Variants in NAV3 observed in about 807,000 individuals in gnomAD.
NAV3 encodes the protein pore membrane and/or filament interacting like protein 1.
A neutral mutation model predicts 244.7 loss-of-function variants in NAV3; 87 were observed. The ratio of observed to expected loss-of-function variants is 0.36; its 90% CI spans 0.30 to 0.42. NAV3 has a LOEUF of 0.42. NAV3 is among the 20% of genes least tolerant of loss of function. NAV3 has a pLI of 1.00. For synonymous variants in NAV3, 1,126 were observed against 1,042.2 expected (o/e 1.08, Z -1.55); for missense variants, 2,663 against 2,893.3 (o/e 0.92, Z 1.83).
intron 2 of NAV3, among the ~76,000 whole-genome samples, chr12:77,808,463 G>A (rs1371900503): frequency 6.6e-6 from 1 of 152,086 alleles, no homozygotes; most frequent in Non-Finnish European, 1.5e-5. Context: ...TTTGCTGGAG[G>A]TCCACTGCAG....
intron 2 of NAV3, among the ~76,000 whole-genome samples, chr12:77,689,491 G>A (rs1222546723): frequency 6.6e-6 from 1 of 151,924 alleles, no homozygotes; most frequent in African/African-American, 2.4e-5. Flanking sequence ...TGGCTTTTAT[G>A]TTGGATGTTT....
chr12:77,766,637 A>T (rs769120824), intron 2 of NAV3, among the ~76,000 whole-genome samples: 1 of 150,766 alleles, frequency 6.6e-6, no homozygotes, highest in Non-Finnish European at 1.5e-5. Flanking sequence ...TCTCAACTTC[A>T]GTCTCTTTCT....
intron 1 of NAV3, among the ~76,000 whole-genome samples, chr12:77,926,521 G>A (rs1289625858): frequency 6.6e-6 from 1 of 152,082 alleles, no homozygotes; most frequent in Non-Finnish European, 1.5e-5. Context: ...GATATGCCAT[G>A]GCTGTTTTAT....
intron 30 of NAV3, among the ~76,000 whole-genome samples, chr12:78,184,652 G>T (rs1958637631): frequency 6.6e-6 from 1 of 151,550 alleles, no homozygotes; most frequent in East Asian, 1.9e-4. Context: ...ATTTTTGGAG[G>T]CCATCTTATT....
At position 78,176,435 on chromosome 12, in the gene NAV3, C is replaced by T. The variant is rs1410453386; in HGVS notation, c.5104-4C>T. The T allele has an allele frequency of 4.3e-6, 7 of 1,612,246 alleles. No homozygotes were observed. The highest frequency in any genetic ancestry group is 1.3e-5 in the African/African-American group (1 of 74,772). The stretch of plus-strand genomic sequence containing the variant: ...AATTCCACACTCTTTCATGTTTCTG[C>T]AAGGTGAACTCTAGAGGAAGTGAGG... On this transcript the variant is annotated splice_polypyrimidine_tract_variant and splice_region_variant and intron_variant, in intron 25 of 39. Transcript: ENST00000397909.
At chr12:77,659,205 A>C (rs914138577) in intron 2 of NAV3, among the ~76,000 whole-genome samples, 5 of 151,548 alleles carry the variant, frequency 3.3e-5, no homozygotes, top group Non-Finnish European at 5.9e-5. Flanking sequence ...TTCGCAACCT[A>C]CTCGTCTGAC....
chr12:78,140,411 A>G (rs2139069381), intron 20 of NAV3, 77 bp downstream of exon 20: 1 of 1,222,644 alleles, frequency 8.2e-7, no homozygotes, highest in Non-Finnish European at 1.2e-6. Context: ...TTTACTGTGA[A>G]CAGATCACAT....
chr12:77,770,045 A>G (rs1412074714), intron 2 of NAV3, among the ~76,000 whole-genome samples: 4 of 152,134 alleles, frequency 2.6e-5, no homozygotes, highest in Non-Finnish European at 5.9e-5. Flanking sequence ...TTTAGAAAAA[A>G]TGGTGGCTTT....
chr12:77,656,462 T>C (rs1454491753), intron 2 of NAV3, among the ~76,000 whole-genome samples: 1 of 119,670 alleles, frequency 8.4e-6, no homozygotes, highest in Non-Finnish European at 1.7e-5. Context: ...ATAAAGCAAG[T>C]CCTGAGTGAC....
chr12:77,670,717 G>A (rs10161231), intron 2 of NAV3, among the ~76,000 whole-genome samples: 8,063 of 152,130 alleles, frequency 0.053, 507 homozygotes, highest in African/African-American at 0.15. Flanking sequence ...TGCAGAAAAA[G>A]CATTTGACAA....
intron 2 of NAV3, among the ~76,000 whole-genome samples, chr12:77,807,671 T>A (rs1336508525): frequency 1.3e-5 from 2 of 152,212 alleles, no homozygotes; most frequent in Admixed American, 1.3e-4. Context: ...TTGCTCTTCT[T>A]CAGGAGTATC....
At chr12:77,669,344 C>T (rs959738146) in intron 2 of NAV3, among the ~76,000 whole-genome samples, 1 of 152,120 alleles carries the variant, frequency 6.6e-6, no homozygotes, top group African/African-American at 2.4e-5. Context: ...AATAGTACCT[C>T]ACATCTCCAT....
At chr12:77,896,735 C>T (rs764785852) in intron 1 of NAV3, among the ~76,000 whole-genome samples, 5 of 152,134 alleles carry the variant, frequency 3.3e-5, no homozygotes, top group Non-Finnish European at 7.4e-5. Context: ...AACTCTCACT[C>T]AGCTCCAGTT....
At chr12:78,204,592 C>A (rs908731149) in intron 38 of NAV3, among the ~76,000 whole-genome samples, 1 of 152,006 alleles carries the variant, frequency 6.6e-6, no homozygotes, top group African/African-American at 2.4e-5. Context: ...ATAATTGAAG[C>A]TTTTATTTTT....
At chr12:77,678,207 T>C (rs1874290848) in intron 2 of NAV3, among the ~76,000 whole-genome samples, 1 of 152,138 alleles carries the variant, frequency 6.6e-6, no homozygotes, top group African/African-American at 2.4e-5. Context: ...GAGGAAGCAA[T>C]ATATATAATA....
chr12:77,781,836 A>C (rs929574319), intron 2 of NAV3, among the ~76,000 whole-genome samples: 4 of 152,176 alleles, frequency 2.6e-5, no homozygotes, highest in African/African-American at 9.6e-5. Context: ...CAAAGAGAGA[A>C]AGAGAAGAGA....
At chr12:77,636,691 G>A (rs910398729) in intron 2 of NAV3, among the ~76,000 whole-genome samples, 2 of 152,026 alleles carry the variant, frequency 1.3e-5, no homozygotes, top group African/African-American at 4.8e-5. Flanking sequence ...AAAGACACAT[G>A]GACACATATG....
intron 2 of NAV3, among the ~76,000 whole-genome samples, chr12:77,640,083 A>C (rs1872339763): frequency 6.6e-6 from 1 of 152,294 alleles, no homozygotes; most frequent in African/African-American, 2.4e-5. Context: ...GATGATTCTT[A>C]TATCAGACAT....
intron 2 of NAV3, among the ~76,000 whole-genome samples, chr12:77,775,012 T>TTTGGATTAAGGATAAAATAA (rs914613610): frequency 1.1e-4 from 16 of 152,146 alleles, no homozygotes; most frequent in South Asian, 6.2e-4. Flanking sequence ...ATGGCTGACT[T>TTTGGATTAAGGATAAAATAA]GTATTAAGGA....
Sources: allele counts gnomAD v4.1 joint callset (sites outside exome capture counted in the v4.1 genomes callset), GRCh38; gene constraint gnomAD v4.1.1; transcripts MANE v1.5; gene names NCBI Gene and HGNC (gene_info 2026-07-23, HGNC 2026-07-21).